Variants in LRRC4C observed in about 807,000 individuals in gnomAD.
LRRC4C encodes the protein leucine-rich repeat-containing protein 4C.
A neutral mutation model predicts 33.6 loss-of-function variants in LRRC4C; 5 were observed. The ratio of observed to expected loss-of-function variants is 0.15; its 90% CI spans 0.08 to 0.31. The LOEUF is 0.31. Ranked by LOEUF, LRRC4C falls within the 10% of genes least tolerant of loss-of-function variation. The probability of loss-of-function intolerance (pLI) is 1.00; values close to 1 mark genes in which losing one functional copy is unlikely to be tolerated. For missense variants in LRRC4C, 560 were observed against 796.7 expected, an observed-to-expected ratio of 0.70 and a Z score of 3.58; for synonymous variants, 329 against 302.0, an observed-to-expected ratio of 1.09 and a Z score of -0.93.
intron 4 of LRRC4C, among the ~76,000 whole-genome samples, chr11:40,275,056 CA>C (rs1943000833): frequency 6.6e-6 from 1 of 152,082 alleles, no homozygotes; most frequent in Non-Finnish European, 1.5e-5. Flanking sequence ...TCTTGCTAAG[CA>C]TTGACATTAG....
At chr11:40,721,798 G>A (rs1355268197) in intron 2 of LRRC4C, among the ~76,000 whole-genome samples, 1 of 151,774 alleles carries the variant, frequency 6.6e-6, no homozygotes. Flanking sequence ...AAAATTAGCC[G>A]GGCGCGGTGG....
chr11:40,233,230 A>G (rs1364818996), intron 5 of LRRC4C, among the ~76,000 whole-genome samples: 1 of 152,194 alleles, frequency 6.6e-6, no homozygotes, highest in African/African-American at 2.4e-5. Flanking sequence ...ATGAAGGCCT[A>G]TCTTGTGTCC....
intron 3 of LRRC4C, among the ~76,000 whole-genome samples, chr11:40,410,679 G>A (rs1950126379): frequency 6.6e-6 from 1 of 152,022 alleles, no homozygotes; most frequent in Non-Finnish European, 1.5e-5. Context: ...TTATATCATT[G>A]CTCATCACCA....
chr11:40,772,947 C>T lies in LRRC4C; in HGVS notation c.-406-124669G>A, dbSNP rs1014899041. On this transcript the variant is annotated intron_variant, in intron 2 of 6. Coordinates refer to ENST00000528697, the MANE Select transcript of LRRC4C (RefSeq NM_001258419.2). ...CACAATAGTCAAGATTTGGAAGCAACCTAAGTGTCCATCAACAGATGAATT... is the reference window on the plus strand; with the variant it reads ...CACAATAGTCAAGATTTGGAAGCAATCTAAGTGTCCATCAACAGATGAATT... Among the ~76,000 whole-genome samples, 6 of 152,272 alleles carry T rather than the reference C, an allele frequency of 3.9e-5. No individual in the cohort carries two copies. In the East Asian group the frequency reaches 7.7e-4, roughly 20 times the overall value.
At chr11:40,939,341 T>G in intron 1 of LRRC4C, among the ~76,000 whole-genome samples, 1 of 152,302 alleles carries the variant, frequency 6.6e-6, no homozygotes, top group East Asian at 1.9e-4. Context: ...TTATAAATAA[T>G]TATTAGAAGA....
intron 1 of LRRC4C, among the ~76,000 whole-genome samples, chr11:40,955,126 T>C (rs1215041305): frequency 6.6e-6 from 1 of 151,830 alleles, no homozygotes; most frequent in Non-Finnish European, 1.5e-5. Flanking sequence ...TATGTTGCCA[T>C]GACATATCAA....
At chr11:40,127,595 T>C (rs1000411963) in intron 6 of LRRC4C, among the ~76,000 whole-genome samples, 1 of 152,212 alleles carries the variant, frequency 6.6e-6, no homozygotes, top group Non-Finnish European at 1.5e-5. Context: ...TTGGAAAGTT[T>C]CTGCTCTTGT....
At chr11:41,382,782 T>G (rs143315086) in intron 1 of LRRC4C, among the ~76,000 whole-genome samples, 3 of 152,222 alleles carry the variant, frequency 2.0e-5, no homozygotes, top group Non-Finnish European at 4.4e-5. Context: ...AAAGGAGAGC[T>G]TTGGGCAACA....
chr11:41,301,239 T>C (rs1415023996), intron 1 of LRRC4C, among the ~76,000 whole-genome samples: 1 of 152,202 alleles, frequency 6.6e-6, no homozygotes, highest in Non-Finnish European at 1.5e-5. Flanking sequence ...CCCAAACCTA[T>C]CTACTTCTTA....
chr11:40,421,178 TTAAC>T (rs1239658365), intron 3 of LRRC4C, among the ~76,000 whole-genome samples: 1 of 152,254 alleles, frequency 6.6e-6, no homozygotes, highest in African/African-American at 2.4e-5. Context: ...ATACCAGTGT[TTAAC>T]TATGAATAAG....
At chr11:40,770,888 T>G (rs1448847139) in intron 2 of LRRC4C, among the ~76,000 whole-genome samples, 1 of 152,126 alleles carries the variant, frequency 6.6e-6, no homozygotes, top group African/African-American at 2.4e-5. Flanking sequence ...TCCTGTGGCT[T>G]TGCAGGTTAC....
At chr11:40,414,811 G>C (rs1950268305) in intron 3 of LRRC4C, among the ~76,000 whole-genome samples, 1 of 151,944 alleles carries the variant, frequency 6.6e-6, no homozygotes, top group South Asian at 2.1e-4. Context: ...GGAGAAGAAG[G>C]GATCTTCTCT....
At position 40,339,252 on chromosome 11, in the gene LRRC4C, G is replaced by C. The variant is rs550309275; in HGVS notation, c.-269-19531C>G. Among the ~76,000 whole-genome samples, 3 of 152,240 alleles carry C rather than the reference G, an allele frequency of 2.0e-5. No individual in the cohort carries two copies. The South Asian group carries it at 6.2e-4, about 32-fold the overall frequency. On this transcript the variant is annotated intron_variant, in intron 3 of 6. Transcript: ENST00000528697. The stretch of plus-strand genomic sequence containing the variant: ...AGTCAGGTATGCTATCTTTTCTTTG[G>C]ACAGTCTATAGTAGTTGTCCCAAAA...
At chr11:41,284,646 T>G (rs1949768251) in intron 1 of LRRC4C, among the ~76,000 whole-genome samples, 1 of 152,186 alleles carries the variant, frequency 6.6e-6, no homozygotes. Flanking sequence ...AGCTGCATTT[T>G]TATTCTGTGT....
chr11:40,869,647 G>A (rs1954536677), intron 2 of LRRC4C, among the ~76,000 whole-genome samples: 1 of 152,088 alleles, frequency 6.6e-6, no homozygotes, highest in Non-Finnish European at 1.5e-5. Flanking sequence ...TACAGCGTCA[G>A]TAAACACATG....
chr11:40,569,924 A>G (rs1957915692), intron 3 of LRRC4C, among the ~76,000 whole-genome samples: 1 of 151,530 alleles, frequency 6.6e-6, no homozygotes, highest in African/African-American at 2.4e-5. Flanking sequence ...AATATTCATA[A>G]AAGGTTTACC....
intron 1 of LRRC4C, among the ~76,000 whole-genome samples, chr11:41,379,298 C>T (rs542735127): frequency 6.6e-6 from 1 of 152,208 alleles, no homozygotes; most frequent in African/African-American, 2.4e-5. Flanking sequence ...TTGCAGAAAG[C>T]ACCCTCCCAT....
intron 1 of LRRC4C, among the ~76,000 whole-genome samples, chr11:41,113,379 A>G (rs1020749544): frequency 2.0e-5 from 3 of 152,016 alleles, no homozygotes; most frequent in African/African-American, 7.2e-5. Flanking sequence ...TCTGCCCAGC[A>G]CCGGGCTGTG....
intron 3 of LRRC4C, among the ~76,000 whole-genome samples, chr11:40,622,899 T>A (rs900884863): frequency 6.6e-6 from 1 of 151,618 alleles, no homozygotes; most frequent in African/African-American, 2.4e-5. Flanking sequence ...ACAATAATAA[T>A]AAATTTTCCT....
Sources: gnomAD v4.1 joint callset for allele counts (sites outside exome capture counted in the v4.1 genomes callset) on GRCh38, gnomAD v4.1.1 for gene constraint, MANE v1.5 for transcripts, NCBI Gene and HGNC (gene_info 2026-07-23, HGNC 2026-07-21) for gene names.